The following XKR9 variants were observed in gnomAD, a reference collection of about 807,000 sequenced individuals.
XKR9 encodes XK related 9.
XKR9 carries 32 observed loss-of-function variants against 32.0 expected under a neutral mutation model. The ratio of observed to expected loss-of-function variants is 1.00; its 90% CI spans 0.76 to 1.34. XKR9 has a LOEUF of 1.34. Ranked by LOEUF, XKR9 falls within the 40% of genes most tolerant of loss-of-function variation. XKR9 has a pLI of 0.00. For missense variants in XKR9, 546 were observed against 429.7 expected (o/e 1.27, Z -2.39); for synonymous variants, 168 against 143.4 (o/e 1.17, Z -1.22).
chr8:70,815,978 G>A, the XKR9 span, among the ~76,000 whole-genome samples: 1 of 152,000 alleles, frequency 6.6e-6, no homozygotes, highest in Non-Finnish European at 1.5e-5. Context: ...CTTTATAATA[G>A]AACAATTTAT....
At chr8:70,837,409 C>A in the XKR9 span, among the ~76,000 whole-genome samples, 1 of 152,012 alleles carries the variant, frequency 6.6e-6, no homozygotes. Flanking sequence ...ACCCTATAAA[C>A]ATTTGCTGTC....
the XKR9 span, among the ~76,000 whole-genome samples, chr8:70,859,107 C>G: frequency 1.1e-4 from 17 of 152,004 alleles, no homozygotes; most frequent in African/African-American, 4.1e-4. Context: ...ACCCATCTGA[C>G]AAGGGATGAG....
At chr8:70,825,079 T>A in the XKR9 span, among the ~76,000 whole-genome samples, 1 of 152,096 alleles carries the variant, frequency 6.6e-6, no homozygotes, top group African/African-American at 2.4e-5. Context: ...TCTCTGGTTC[T>A]TTGTGTGAAC....
the XKR9 span, among the ~76,000 whole-genome samples, chr8:70,861,377 A>G: frequency 2.1e-4 from 32 of 152,158 alleles, no homozygotes; most frequent in African/African-American, 7.5e-4. Flanking sequence ...TGGGCTGGAC[A>G]TGGTGGCTCA....
At chr8:70,808,830 A>G in the XKR9 span, among the ~76,000 whole-genome samples, 2 of 152,320 alleles carry the variant, frequency 1.3e-5, no homozygotes, top group Non-Finnish European at 2.9e-5. Flanking sequence ...ACTGCAGCTC[A>G]CGGAGGCCTG....
chr8:70,744,528 C>T (rs1021868087), intron 2 of XKR9, among the ~76,000 whole-genome samples: 2 of 152,142 alleles, frequency 1.3e-5, no homozygotes, highest in African/African-American at 2.4e-5. Context: ...CACCTCAAAT[C>T]CAGTTCATTT....
At chr8:70,958,929 G>GTAAATTATATATATTATATATATATAAA in the XKR9 span, among the ~76,000 whole-genome samples, 1 of 151,948 alleles carries the variant, frequency 6.6e-6, no homozygotes. Flanking sequence ...TATAATTTGT[G>GTAAATTATATATATTATATATATATAAA]TGTATATATA....
chr8:70,863,961 A>G, the XKR9 span, among the ~76,000 whole-genome samples: 2 of 152,070 alleles, frequency 1.3e-5, no homozygotes, highest in South Asian at 4.1e-4. Context: ...CTATTTTTAA[A>G]CTTTTTATTT....
At chr8:70,802,404 A>G in the XKR9 span, among the ~76,000 whole-genome samples, 2 of 152,156 alleles carry the variant, frequency 1.3e-5, no homozygotes, top group African/African-American at 4.8e-5. Context: ...TGTAGACAGC[A>G]TACAATTGGG....
At chr8:70,763,153 C>G (rs1807329849) in intron 2 of XKR9, among the ~76,000 whole-genome samples, 1 of 145,674 alleles carries the variant, frequency 6.9e-6, no homozygotes, top group Non-Finnish European at 1.5e-5. Context: ...AAACTGTGGA[C>G]TATAAAATGG....
At chr8:70,811,949 G>T in the XKR9 span, among the ~76,000 whole-genome samples, 478 of 152,158 alleles carry the variant, frequency 3.1e-3, 1 homozygote, top group African/African-American at 0.011. Flanking sequence ...TATGAGGCCA[G>T]CATCATCCGG....
the XKR9 span, among the ~76,000 whole-genome samples, chr8:70,858,173 A>G: frequency 1.3e-5 from 2 of 152,202 alleles, no homozygotes; most frequent in African/African-American, 4.8e-5. Flanking sequence ...AGGAAGTCCA[A>G]TTGTCCCTGT....
the XKR9 span, among the ~76,000 whole-genome samples, chr8:71,053,587 T>C: frequency 6.6e-6 from 1 of 152,186 alleles, no homozygotes; most frequent in African/African-American, 2.4e-5. Flanking sequence ...AACCAGGATG[T>C]TTCTGATTGA....
intron 3 of XKR9, among the ~76,000 whole-genome samples, chr8:70,705,975 A>G (rs1805704920): frequency 6.6e-6 from 1 of 152,174 alleles, no homozygotes; most frequent in African/African-American, 2.4e-5. Flanking sequence ...AGGAATTTTT[A>G]TAGCACATGA....
At chr8:70,818,196 AT>A in the XKR9 span, among the ~76,000 whole-genome samples, 50,905 of 147,554 alleles carry the variant, frequency 0.34, 9,508 homozygotes, top group Non-Finnish European at 0.44. Flanking sequence ...TTGTTTATTT[AT>A]TTTTTTTTTT....
chr8:70,807,954 CTATA>C, the XKR9 span, among the ~76,000 whole-genome samples: 1 of 152,112 alleles, frequency 6.6e-6, no homozygotes, highest in Admixed American at 6.6e-5. Context: ...TTTCAACAGA[CTATA>C]TATTCTTCTC....
chr8:70,681,280 T>G lies in XKR9; in HGVS notation c.222T>G (p.Ser74Arg), dbSNP rs1291644345. Reference sequence around the variant, plus strand: ...ATTTAAAGAAAGCAGGCCAAGAAAGTCAGCATTGTTTTCTTCTACTTCATT... The same window carrying G: ...ATTTAAAGAAAGCAGGCCAAGAAAGGCAGCATTGTTTTCTTCTACTTCATT... Reference protein sequence around the residue: ...KADLKKAGQESQHCFLLLHCL... With the variant: ...KADLKKAGQERQHCFLLLHCL... The change falls in exon 3 of 5, where the codon AGT (serine) becomes AGG (arginine). Residue 74 changes from serine (S) to arginine (R), a missense_variant. Physicochemically the swap from Ser to Arg is moderately radical, Grantham distance 110 (BLOSUM62 -1). Transcript: ENST00000408926. The G allele has an allele frequency of 6.2e-7, 1 of 1,613,266 alleles. No individual in the cohort carries two copies. Among genetic ancestry groups the G allele is most frequent in the Non-Finnish European group, 8.5e-7 (1 of 1,179,536 alleles).
the XKR9 span, among the ~76,000 whole-genome samples, chr8:70,803,778 G>A: frequency 1.1e-4 from 16 of 152,166 alleles, no homozygotes; most frequent in African/African-American, 3.6e-4. Context: ...GCTCCCTCAG[G>A]CAGGGACTGC....
chr8:70,821,992 C>T, the XKR9 span, among the ~76,000 whole-genome samples: 55 of 152,270 alleles, frequency 3.6e-4, no homozygotes, highest in South Asian at 8.3e-4. Flanking sequence ...ATGGGTTTTT[C>T]TTTTCTATTG....
Sources: allele counts gnomAD v4.1 joint callset (sites outside exome capture counted in the v4.1 genomes callset), GRCh38; gene constraint gnomAD v4.1.1; transcripts MANE v1.5; gene names NCBI Gene and HGNC (gene_info 2026-07-23, HGNC 2026-07-21).